MAPK4: variants seen among roughly 807,000 people sequenced by gnomAD.
MAPK4 encodes Erk3-related.
In MAPK4, 22 loss-of-function variants were observed where a neutral mutation model predicts 47.7. That is an observed-to-expected ratio of 0.46 (90% confidence interval 0.33 to 0.66). The LOEUF (loss-of-function observed/expected upper bound fraction) is 0.66. Ranked by LOEUF, MAPK4 falls within the 30% of genes least tolerant of loss-of-function variation. MAPK4 has a pLI of 0.02. For missense variants in MAPK4, 736 were observed against 831.7 expected (o/e 0.88, Z 1.42); for synonymous variants, 390 against 365.7 (o/e 1.07, Z -0.76).
rs1207557614 is a variant in MAPK4, at chr18:50,676,959, C to T, written c.546+12455C>T. Among the ~76,000 whole-genome samples, 8 of 152,176 alleles carry T rather than the reference C, an allele frequency of 5.3e-5. No homozygotes were observed. In the East Asian group the frequency reaches 1.5e-3, roughly 29 times the overall value. On this transcript the variant is annotated intron_variant, in intron 2 of 5. Transcript: ENST00000400384. ...GCTGAGGACCAGGACTGTCTGTGGCCTCTTAGAAACCAGGCCACACAGCAG... is the reference window on the plus strand; with the variant it reads ...GCTGAGGACCAGGACTGTCTGTGGCTTCTTAGAAACCAGGCCACACAGCAG...
chr18:50,625,458 C>T (rs2042768781), intron 1 of MAPK4, among the ~76,000 whole-genome samples: 1 of 152,166 alleles, frequency 6.6e-6, no homozygotes, highest in Non-Finnish European at 1.5e-5. Flanking sequence ...CCAAAGACCG[C>T]AGGAGTCACA....
At chr18:50,672,687 G>T (rs1052657525) in intron 2 of MAPK4, among the ~76,000 whole-genome samples, 3 of 152,134 alleles carry the variant, frequency 2.0e-5, no homozygotes, top group African/African-American at 7.2e-5. Flanking sequence ...CACAAGCCTG[G>T]CCTGGGAGAT....
intron 2 of MAPK4, among the ~76,000 whole-genome samples, chr18:50,709,706 G>A (rs1245098527): frequency 6.6e-6 from 1 of 152,150 alleles, no homozygotes; most frequent in African/African-American, 2.4e-5. Context: ...TGAAAGTGAT[G>A]AGTGCAGGAG....
chr18:50,615,930 C>T (rs2042680745), intron 1 of MAPK4, among the ~76,000 whole-genome samples: 1 of 152,186 alleles, frequency 6.6e-6, no homozygotes, highest in Admixed American at 6.5e-5. Context: ...CAGCCACAAA[C>T]TAGTAAGGTG....
Position 50,715,195 on chromosome 18 carries a change from G to A in MAPK4, c.663G>A (p.Glu221=), listed in dbSNP as rs372337672. The A allele has an allele frequency of 8.2e-5, 133 of 1,614,026 alleles. No homozygotes were observed. Among genetic ancestry groups the A allele is most frequent in the Non-Finnish European group, 1.2e-5 (14 of 1,180,038 alleles). Residue 221 remains glutamate (E), a synonymous_variant, in exon 3 of 6, where the codon GAG becomes GAA. Transcript: ENST00000400384. ...GGGCCGCCGGCTGCATCCTGGCTGAGATGCTTACGGGGAGAATGCTCTTTG... is the reference window on the plus strand; with the variant it reads ...GGGCCGCCGGCTGCATCCTGGCTGAAATGCTTACGGGGAGAATGCTCTTTG... ...DMWAAGCILA[E]MLTGRMLFAG...
chr18:50,636,619 T>A (rs1405570545), intron 1 of MAPK4, among the ~76,000 whole-genome samples: 1 of 152,190 alleles, frequency 6.6e-6, no homozygotes, highest in Non-Finnish European at 1.5e-5. Context: ...TTTGCCCTAT[T>A]TTCAGCAACC....
intron 1 of MAPK4, among the ~76,000 whole-genome samples, chr18:50,658,508 A>G (rs1303883059): frequency 4.6e-5 from 7 of 152,232 alleles, no homozygotes; most frequent in Non-Finnish European, 8.8e-5. Flanking sequence ...GTAAGACCCA[A>G]CTGAAATAAT....
chr18:50,714,377 G>A (rs1483378013), intron 2 of MAPK4, among the ~76,000 whole-genome samples: 5 of 152,022 alleles, frequency 3.3e-5, no homozygotes, highest in Admixed American at 1.3e-4. Flanking sequence ...CATAAGGAGG[G>A]AGTCCATCTC....
chr18:50,594,558 A>G (rs542954143), intron 1 of MAPK4, among the ~76,000 whole-genome samples: 38 of 152,268 alleles, frequency 2.5e-4, no homozygotes, highest in Non-Finnish European at 4.4e-4. Context: ...AAATAAAACA[A>G]TCCTTGATCC....
At chr18:50,706,150 T>C (rs1379066950) in intron 2 of MAPK4, 1 of 152,240 alleles carries the variant, frequency 6.6e-6, no homozygotes, top group Non-Finnish European at 1.5e-5. Context: ...TCAGTGATTT[T>C]TCAGTAAATT....
intron 2 of MAPK4, among the ~76,000 whole-genome samples, chr18:50,707,460 C>T (rs907509453): frequency 6.6e-6 from 1 of 151,326 alleles, no homozygotes; most frequent in Non-Finnish European, 1.5e-5. Flanking sequence ...GTCCCAGTCA[C>T]TCTGGGGGGT....
At chr18:50,683,296 T>C (rs1031341758) in intron 2 of MAPK4, among the ~76,000 whole-genome samples, 4 of 151,958 alleles carry the variant, frequency 2.6e-5, no homozygotes, top group Non-Finnish European at 5.9e-5. Flanking sequence ...ATTTTTATAT[T>C]TTTTTAGTAG....
At chr18:50,687,878 G>T (rs925248407) in intron 2 of MAPK4, among the ~76,000 whole-genome samples, 2 of 152,140 alleles carry the variant, frequency 1.3e-5, no homozygotes, top group Non-Finnish European at 2.9e-5. Flanking sequence ...TGGAGGCAGG[G>T]ACTAATTTCA....
At chr18:50,649,622 C>T (rs963731943) in intron 1 of MAPK4, among the ~76,000 whole-genome samples, 1 of 152,210 alleles carries the variant, frequency 6.6e-6, no homozygotes, top group African/African-American at 2.4e-5. Context: ...ATAAGTTGAC[C>T]ACCTTAAGTA....
In MAPK4 at chr18:50,726,201, C is replaced by T. The variant is rs750110400; in HGVS notation, c.1067+26C>T. The T allele has an allele frequency of 1.5e-5, 24 of 1,604,626 alleles. No homozygotes were observed. In the Admixed American group the frequency reaches 3.8e-4, roughly 26 times the overall value. ...GTGCTCGCAGCCCTGGGTTCCAGAG[C>T]CCACATTTCCCTGTCCTCCCATCTC... On this transcript the variant is annotated intron_variant, in intron 5 of 5. Coordinates refer to ENST00000400384, the MANE Select transcript of MAPK4 (RefSeq NM_002747.4).
In MAPK4 at chr18:50,603,746, T is replaced by G. The variant is rs147370558; in HGVS notation, c.-871+43503T>G. Among the ~76,000 whole-genome samples the G allele has an allele frequency of 2.3e-3, 344 of 152,332 alleles. 8 individuals are homozygous for G. In the East Asian group the frequency reaches 0.041, roughly 18 times the overall value. On this transcript the variant is annotated intron_variant, in intron 1 of 5. Transcript: ENST00000400384. The stretch of plus-strand genomic sequence containing the variant: ...TATTCCTTTTATCTTTCTTTCTTCT[T>G]AAAAAATTATTATCAAAGCTTTGTC...
chr18:50,706,522 T>C (rs1443523485), intron 2 of MAPK4, among the ~76,000 whole-genome samples: 1 of 151,884 alleles, frequency 6.6e-6, no homozygotes, highest in Non-Finnish European at 1.5e-5. Context: ...GCCCGTGCTC[T>C]AGAGTGCCAC....
intron 2 of MAPK4, among the ~76,000 whole-genome samples, chr18:50,698,813 T>G (rs986242849): frequency 1.3e-5 from 2 of 152,216 alleles, no homozygotes; most frequent in Non-Finnish European, 2.9e-5. Flanking sequence ...GCAGATCACC[T>G]GAGGCCAGGA....
intron 1 of MAPK4, among the ~76,000 whole-genome samples, chr18:50,598,048 C>T (rs1188938105): frequency 5.9e-5 from 9 of 152,206 alleles, no homozygotes; most frequent in Non-Finnish European, 1.2e-4. Flanking sequence ...CACTCTCACA[C>T]ATTCATCCTT....
Sources: allele counts gnomAD v4.1 joint callset (sites outside exome capture counted in the v4.1 genomes callset), GRCh38; gene constraint gnomAD v4.1.1; transcripts MANE v1.5; gene names NCBI Gene and HGNC (gene_info 2026-07-23, HGNC 2026-07-21).